Variants in CEP57L1 observed in about 807,000 individuals in gnomAD.
CEP57L1 encodes centrosomal protein CEP57L1.
In CEP57L1, 37 loss-of-function variants were observed where a neutral mutation model predicts 61.0. The observed-to-expected ratio is 0.61, with a 90% CI of 0.47 to 0.80. The LOEUF is 0.80. Among genes scored for constraint, CEP57L1 ranks in the 30% least tolerant of loss-of-function variants. The pLI is 0.00. For synonymous variants in CEP57L1, 137 were observed against 162.3 expected (o/e 0.84, Z 1.19); for missense variants, 422 against 524.7 (o/e 0.80, Z 1.91).
chr6:109,098,025 A>G (rs149374430), intron 1 of CEP57L1, among the ~76,000 whole-genome samples: 1 of 152,374 alleles, frequency 6.6e-6, no homozygotes, highest in Non-Finnish European at 1.5e-5. Context: ...GAGAACATGT[A>G]GGTGACTGAA....
intron 1 of CEP57L1, among the ~76,000 whole-genome samples, chr6:109,107,046 CA>C (rs1273246969): frequency 2.0e-5 from 3 of 152,172 alleles, no homozygotes; most frequent in African/African-American, 4.8e-5. Context: ...TTATACGTTT[CA>C]AACTACAATT....
intron 1 of CEP57L1, among the ~76,000 whole-genome samples, chr6:109,108,465 GC>G (rs1771196685): frequency 6.6e-6 from 1 of 151,970 alleles, no homozygotes; most frequent in Non-Finnish European, 1.5e-5. Flanking sequence ...ACCTGTCTCA[GC>G]CTCCCAAAGT....
intron 2 of CEP57L1, 45 bp downstream of exon 2, chr6:109,145,426 A>G (rs753825504): frequency 3.7e-6 from 5 of 1,350,022 alleles, no homozygotes; most frequent in Non-Finnish European, 5.0e-6. Context: ...ACATGCTATA[A>G]AAAACTTTTC....
chr6:109,125,522 A>T (rs185673251), intron 1 of CEP57L1, among the ~76,000 whole-genome samples: 4,242 of 139,700 alleles, frequency 0.03, 73 homozygotes, highest in East Asian at 0.086. Context: ...ATATATATAT[A>T]TATTTTTTTT....
Position 109,172,854 on chromosome 6 carries a change from C to G in CEP57L1, c.*9884C>G, listed in dbSNP as rs988511701. On this transcript the variant is annotated 3_prime_UTR_variant, in exon 11 of 11. Transcript: ENST00000517392. The stretch of plus-strand genomic sequence containing the variant: ...TGTGTTACTACAACATAGGAGTTAA[C>G]TTTGTCTGGAGGCTTTTTCAAGCCC... Among the ~76,000 whole-genome samples, 9 of 152,186 alleles carry G rather than the reference C, an allele frequency of 5.9e-5. No homozygotes were observed. The highest frequency in any genetic ancestry group is 2.2e-4 in the African/African-American group (9 of 41,458).
chr6:109,156,327 A>ATAT (rs1773214835), intron 7 of CEP57L1: 1 of 152,174 alleles, frequency 6.6e-6, no homozygotes, highest in Non-Finnish European at 1.5e-5. Flanking sequence ...TGTAATATAT[A>ATAT]GACAATAAAA....
chr6:109,151,175 G>C (rs1026185737), intron 4 of CEP57L1, among the ~76,000 whole-genome samples: 1 of 152,104 alleles, frequency 6.6e-6, no homozygotes, highest in African/African-American at 2.4e-5. Flanking sequence ...CTTGGCAGAA[G>C]GGTAAAAGTA....
intron 1 of CEP57L1, among the ~76,000 whole-genome samples, chr6:109,124,689 C>G (rs1479356923): frequency 6.6e-6 from 1 of 152,130 alleles, no homozygotes; most frequent in Middle Eastern, 3.2e-3. Context: ...TTGATCTTTT[C>G]TTCTACCCAT....
In CEP57L1 at chr6:109,166,655, T is replaced by A. The variant is rs776408222; in HGVS notation, c.*3685T>A. Reference sequence around the variant, plus strand: ...ACCTCAGCCTCCCAAAGTGCTGGGATTACAGGCATGAGCCACTGCGCCCAG... The same window carrying A: ...ACCTCAGCCTCCCAAAGTGCTGGGAATACAGGCATGAGCCACTGCGCCCAG... On this transcript the variant is annotated 3_prime_UTR_variant, in exon 11 of 11. Transcript: ENST00000517392. Among the ~76,000 whole-genome samples the A allele has an allele frequency of 2.6e-5, 4 of 152,204 alleles. No individual in the cohort carries two copies. The highest frequency in any genetic ancestry group is 5.9e-5 in the Non-Finnish European group (4 of 68,020).
intron 10 of CEP57L1, among the ~76,000 whole-genome samples, chr6:109,161,350 C>G (rs759518631): frequency 6.6e-6 from 1 of 152,010 alleles, no homozygotes; most frequent in Admixed American, 6.6e-5. Flanking sequence ...ACAATGACTC[C>G]GTAGGTTGAA....
At chr6:109,154,517 GCT>G (rs1004011843) in intron 5 of CEP57L1, among the ~76,000 whole-genome samples, 1 of 152,110 alleles carries the variant, frequency 6.6e-6, no homozygotes, top group East Asian at 1.9e-4. Flanking sequence ...TATGAATATT[GCT>G]CTTTTTTTCT....
intron 1 of CEP57L1, among the ~76,000 whole-genome samples, chr6:109,098,934 T>G (rs1782040198): frequency 6.6e-6 from 1 of 152,214 alleles, no homozygotes; most frequent in Non-Finnish European, 1.5e-5. Flanking sequence ...CCAACAGACT[T>G]TGCTGACAGA....
At chr6:109,115,212 G>A (rs1352480535) in intron 1 of CEP57L1, among the ~76,000 whole-genome samples, 1 of 151,778 alleles carries the variant, frequency 6.6e-6, no homozygotes, top group Non-Finnish European at 1.5e-5. Flanking sequence ...GGGAGAAATG[G>A]TAGGAAATAT....
intron 1 of CEP57L1, among the ~76,000 whole-genome samples, chr6:109,134,095 C>G (rs1281764658): frequency 6.6e-6 from 1 of 152,130 alleles, no homozygotes; most frequent in African/African-American, 2.4e-5. Context: ...CAAAACCTGG[C>G]AGAGACAAAA....
At chr6:109,124,463 A>G (rs751936852) in intron 1 of CEP57L1, among the ~76,000 whole-genome samples, 1 of 152,210 alleles carries the variant, frequency 6.6e-6, no homozygotes, top group African/African-American at 2.4e-5. Context: ...CTTTAGAGCC[A>G]GACTGCCAAA....
In CEP57L1 at chr6:109,162,915, G is replaced by A. The variant is rs757356335; in HGVS notation, c.1328G>A (p.Arg443Gln). The A allele has an allele frequency of 2.9e-5, 46 of 1,612,868 alleles. No homozygotes were observed. The highest frequency in any genetic ancestry group is 3.8e-5 in the Non-Finnish European group (45 of 1,179,364). The change falls in exon 11 of 11, where the codon CGA becomes CAA. Residue 443 changes from arginine (R) to glutamine (Q), a missense_variant. By Grantham distance (43) the Arg-to-Gln change is conservative. Transcript: ENST00000517392. The stretch of plus-strand genomic sequence containing the variant: ...AAAAACAGCAGCTTTCATCCAATAC[G>A]AGTTCATAATCTTCAAATGAAATTG... ...FQKNSSFHPI[R>Q]VHNLQMKLRR...
rs181936973 is a variant in CEP57L1 at position 109,160,044 on chromosome 6, T to C, written c.1017-528T>C. 6.0e-4 allele frequency among the ~76,000 whole-genome samples: 91 copies of C among 152,332 alleles called. No individual in the cohort carries two copies. The East Asian group carries it at 0.012, about 20-fold the overall frequency. ...TAGTAAAGAAGATTTCCATATGGGA[T>C]ACATTATATTGTGCCCACCTGCTTA... On this transcript the variant is annotated intron_variant, in intron 9 of 10. Transcript: ENST00000517392.
At chr6:109,126,653 A>G (rs1448313430) in intron 1 of CEP57L1, among the ~76,000 whole-genome samples, 3 of 152,174 alleles carry the variant, frequency 2.0e-5, no homozygotes, top group African/African-American at 7.2e-5. Context: ...TAGACATTAT[A>G]TGTTCTAAAC....
chr6:109,142,946 G>GCTCT (rs35714375), intron 1 of CEP57L1, among the ~76,000 whole-genome samples: 31 of 55,512 alleles, frequency 5.6e-4, no homozygotes, highest in East Asian at 1.6e-3. Flanking sequence ...TGTCTCTCTT[G>GCTCT]CTCTCTCTCT....
Sources: allele counts gnomAD v4.1 joint callset (sites outside exome capture counted in the v4.1 genomes callset), GRCh38; gene constraint gnomAD v4.1.1; transcripts MANE v1.5; gene names NCBI Gene and HGNC (gene_info 2026-07-23, HGNC 2026-07-21).